GNAT3: variants seen among roughly 807,000 people sequenced by gnomAD.
GNAT3 encodes G protein subunit alpha transducin 3, also known as guanine nucleotide-binding protein G(t) subunit alpha-3.
In GNAT3, 31 loss-of-function variants were observed where a neutral mutation model predicts 37.7. The observed-to-expected ratio is 0.82, with a 90% CI of 0.62 to 1.11. GNAT3 has a LOEUF of 1.11. GNAT3 is among the 50% of genes most tolerant of loss of function. The pLI is 0.00. For synonymous variants in GNAT3, 138 were observed against 139.8 expected (o/e 0.99, Z 0.09); for missense variants, 437 against 412.5 (o/e 1.06, Z -0.51).
intron 3 of GNAT3, among the ~76,000 whole-genome samples, chr7:80,487,459 G>A (rs1717423948): frequency 6.6e-6 from 1 of 152,072 alleles, no homozygotes; most frequent in Non-Finnish European, 1.5e-5. Flanking sequence ...CTTGTTCTTT[G>A]AAGAAAAGTG....
At chr7:80,494,503 A>C (rs1445352609) in intron 2 of GNAT3, 102 bp downstream of exon 2, 2 of 676,218 alleles carry the variant, frequency 3.0e-6, no homozygotes, top group South Asian at 3.9e-5. Flanking sequence ...CATGATTTAG[A>C]AAAGATTGTC....
chr7:80,506,770 A>G (rs1355642606), intron 1 of GNAT3, among the ~76,000 whole-genome samples: 2 of 152,172 alleles, frequency 1.3e-5, no homozygotes, highest in Non-Finnish European at 2.9e-5. Context: ...AGAAAATGGT[A>G]TGTATTTGTT....
chr7:80,472,068 G>A (rs1052709415), intron 5 of GNAT3, among the ~76,000 whole-genome samples: 2 of 152,060 alleles, frequency 1.3e-5, no homozygotes, highest in Non-Finnish European at 2.9e-5. Flanking sequence ...GGGGGCATAT[G>A]AGATAGAAAC....
chr7:80,465,744 G>A (rs943938902), intron 5 of GNAT3, among the ~76,000 whole-genome samples: 2 of 152,020 alleles, frequency 1.3e-5, no homozygotes, highest in African/African-American at 4.8e-5. Context: ...TGTCAAACAG[G>A]TCACTGGGCA....
At chr7:80,496,281 C>A (rs1238760900) in intron 1 of GNAT3, among the ~76,000 whole-genome samples, 1 of 152,114 alleles carries the variant, frequency 6.6e-6, no homozygotes, top group East Asian at 1.9e-4. Flanking sequence ...CAGGTGTGCG[C>A]CATCATGCCC....
chr7:80,466,094 G>A (rs1395636803), intron 5 of GNAT3, among the ~76,000 whole-genome samples: 6 of 151,984 alleles, frequency 3.9e-5, no homozygotes, highest in Non-Finnish European at 8.8e-5. Context: ...CCTCAGGGGG[G>A]GAAAATAAAA....
intron 1 of GNAT3, among the ~76,000 whole-genome samples, chr7:80,495,315 C>A (rs1351858432): frequency 6.6e-6 from 1 of 152,114 alleles, no homozygotes; most frequent in African/African-American, 2.4e-5. Context: ...ACTATTTTTT[C>A]ATAGAGGTTG....
intron 1 of GNAT3, among the ~76,000 whole-genome samples, chr7:80,495,573 G>T (rs1790701319): frequency 6.6e-6 from 1 of 152,012 alleles, no homozygotes; most frequent in Non-Finnish European, 1.5e-5. Context: ...GGGTTCAAGT[G>T]ATTCTCATGC....
intron 4 of GNAT3, among the ~76,000 whole-genome samples, chr7:80,475,822 T>C (rs1048847817): frequency 6.6e-6 from 1 of 152,060 alleles, no homozygotes; most frequent in Non-Finnish European, 1.5e-5. Flanking sequence ...CGGCCGAGAG[T>C]AAAAATCACA....
At chr7:80,485,698 A>G (rs912169029) in intron 3 of GNAT3, among the ~76,000 whole-genome samples, 1 of 152,158 alleles carries the variant, frequency 6.6e-6, no homozygotes, top group African/African-American at 2.4e-5. Flanking sequence ...ATGATGTTGG[A>G]TGTATAGATT....
At chr7:80,472,939 G>A (rs1459683190) in intron 5 of GNAT3, among the ~76,000 whole-genome samples, 2 of 152,154 alleles carry the variant, frequency 1.3e-5, no homozygotes, top group African/African-American at 4.8e-5. Flanking sequence ...CTGTTTCAGT[G>A]AGACATCTGG....
At chr7:80,490,943 G>T (rs771140163) in intron 2 of GNAT3, among the ~76,000 whole-genome samples, 8 of 152,110 alleles carry the variant, frequency 5.3e-5, no homozygotes, top group Non-Finnish European at 5.9e-5. Flanking sequence ...CAGGACAGGA[G>T]GATGAAGACA....
At chr7:80,489,155 C>CT (rs1479375704) in intron 2 of GNAT3, among the ~76,000 whole-genome samples, 1 of 151,996 alleles carries the variant, frequency 6.6e-6, no homozygotes, top group African/African-American at 2.4e-5. Context: ...ACAAAGGCAT[C>CT]TTTTTTAGTA....
At chr7:80,497,532 C>A (rs147184321) in intron 1 of GNAT3, among the ~76,000 whole-genome samples, 168 of 144,262 alleles carry the variant, frequency 1.2e-3, no homozygotes, top group South Asian at 3.5e-3. Flanking sequence ...GTTTCTCTCT[C>A]TATATATATA....
rs35878873 is a variant in GNAT3 at position 80,462,780 on chromosome 7, G to C, written c.591-149C>G. 3.3e-4 allele frequency: 182 copies of C among 559,532 alleles called. 2 individuals carry two copies. In the East Asian group the frequency reaches 5.1e-3, roughly 16 times the overall value. 34.7% of individuals were successfully genotyped at this position (559,532 alleles called of 1,614,324 possible). The stretch of plus-strand genomic sequence containing the variant: ...ATTGATTATAAAATTAAATTTATTT[G>C]GTCAAATGGCTGCTCAAGGACTACA... On this transcript the variant is annotated intron_variant, in intron 5 of 7. Coordinates refer to ENST00000398291, the MANE Select transcript of GNAT3 (RefSeq NM_001102386.3).
intron 2 of GNAT3, among the ~76,000 whole-genome samples, chr7:80,491,777 A>G (rs1416808236): frequency 6.6e-6 from 1 of 152,182 alleles, no homozygotes; most frequent in Admixed American, 6.5e-5. Context: ...AATGGCTGAA[A>G]GTGGAAAGTA....
At chr7:80,482,693 T>G (rs1790412699) in intron 3 of GNAT3, among the ~76,000 whole-genome samples, 3 of 128,878 alleles carry the variant, frequency 2.3e-5, no homozygotes, top group Admixed American at 7.4e-5. Context: ...TTTGTAATTT[T>G]TTTTTTTTTT....
intron 7 of GNAT3, 141 bp from the exon 8 acceptor site, chr7:80,459,002 G>A: frequency 1.6e-6 from 1 of 606,884 alleles, no homozygotes; most frequent in South Asian, 2.3e-5. Context: ...TCAATTATCA[G>A]GGTGCTGGGA....
intron 5 of GNAT3, among the ~76,000 whole-genome samples, chr7:80,470,321 A>G (rs987137666): frequency 6.6e-6 from 1 of 152,100 alleles, no homozygotes; most frequent in Non-Finnish European, 1.5e-5. Flanking sequence ...TTTTGAGTTC[A>G]AGTGATTCAC....
Sources: allele counts gnomAD v4.1 joint callset (sites outside exome capture counted in the v4.1 genomes callset), GRCh38; gene constraint gnomAD v4.1.1; transcripts MANE v1.5; gene names NCBI Gene and HGNC (gene_info 2026-07-23, HGNC 2026-07-21).